Variants in DAB2IP observed in about 807,000 individuals in gnomAD.
The protein encoded by DAB2IP is disabled homolog 2-interacting protein.
In DAB2IP, 28 loss-of-function variants were observed where a neutral mutation model predicts 107.2. That is an observed-to-expected ratio of 0.26 (90% CI 0.19 to 0.36). The LOEUF is 0.36. Ranked by LOEUF, DAB2IP falls within the 10% of genes least tolerant of loss-of-function variation. The probability of loss-of-function intolerance (pLI) is 1.00; values close to 1 mark genes in which losing one functional copy is unlikely to be tolerated. For synonymous variants in DAB2IP, 755 were observed against 706.4 expected (o/e 1.07, Z -1.09); for missense variants, 1,400 against 1,644.7 (o/e 0.85, Z 2.57).
intron 1 of DAB2IP, among the ~76,000 whole-genome samples, chr9:121,661,015 TG>T (rs1456034987): frequency 2.6e-5 from 4 of 151,560 alleles, no homozygotes; most frequent in African/African-American, 4.9e-5. Context: ...TGGGAGCTGG[TG>T]GTGGGATAAG....
Position 121,757,012 on chromosome 9 carries a change from G to C in DAB2IP, c.363-1G>C. The C allele has an allele frequency of 6.2e-7, 1 of 1,613,998 alleles. No homozygotes were observed. Among genetic ancestry groups the C allele is most frequent in the South Asian group, 1.1e-5 (1 of 91,072 alleles). On this transcript the variant is annotated splice_acceptor_variant, in intron 3 of 15. Transcript: ENST00000408936. LOFTEE classifies it high-confidence loss of function. ...ACCTGACACACCTACTGCCACCCCA[G>C]GTCCCATCTGATGCCGAGGCTGAAG...
rs1403264007 is a variant in DAB2IP, at chr9:121,570,740, G to T, written c.40+3512G>T. ...TTTTTGTATTTTTTGTAGAGACAGG[G>T]TTTGCCCACGTTGCCCAGGCTGGTC... On this transcript the variant is annotated intron_variant, in intron 1 of 16. Coordinates refer to the DAB2IP transcript ENST00000259371. Among the ~76,000 whole-genome samples, 4 of 149,494 alleles carry T rather than the reference G, an allele frequency of 2.7e-5. No individual in the cohort carries two copies. The South Asian group carries it at 8.5e-4, about 32-fold the overall frequency.
At chr9:121,665,381 A>G (rs538089208) in intron 1 of DAB2IP, among the ~76,000 whole-genome samples, 21 of 152,338 alleles carry the variant, frequency 1.4e-4, no homozygotes, top group African/African-American at 4.6e-4. Flanking sequence ...AGTGCAGAAC[A>G]TTACTAAGGT....
chr9:121,770,428 TG>T, intron 10 of DAB2IP, 117 bp from the exon 11 acceptor site: 1 of 1,139,060 alleles, frequency 8.8e-7, no homozygotes, highest in Non-Finnish European at 1.2e-6. Flanking sequence ...TGGCAGCAGG[TG>T]GGGATCTGCA....
At chr9:121,646,150 G>C (rs1050995546) in intron 1 of DAB2IP, among the ~76,000 whole-genome samples, 2 of 152,178 alleles carry the variant, frequency 1.3e-5, no homozygotes, top group Non-Finnish European at 2.9e-5. Context: ...GAGGGGCAGA[G>C]CCATCCAAGC....
rs1449693578 is a variant in DAB2IP, at chr9:121,702,608, GGT to G, written c.362+3154_362+3155del. Among the ~76,000 whole-genome samples, 1 of 152,172 alleles carries G rather than the reference GGT, an allele frequency of 6.6e-6. No homozygotes were observed. Among genetic ancestry groups the G allele is most frequent in the Non-Finnish European group, 1.5e-5 (1 of 68,042 alleles). Reference sequence around the variant, plus strand: ...TGCTTGGAGCGCTTTCCAGGTGAAAGGTGTGCCGGCAAAAGCATTTTCATTTT... The same window carrying G: ...TGCTTGGAGCGCTTTCCAGGTGAAAGGTGCCGGCAAAAGCATTTTCATTTT... On this transcript the variant is annotated intron_variant, in intron 3 of 15. Transcript: ENST00000408936. This position sits in a 1 kb window ranked among gnomAD's most constrained non-coding sequence, Gnocchi z 4.5.
At chr9:121,766,783 G>A in intron 9 of DAB2IP, 53 bp downstream of exon 9, 2 of 1,579,004 alleles carry the variant, frequency 1.3e-6, no homozygotes, top group South Asian at 2.2e-5. Context: ...GTGTCCACAG[G>A]GCAGGCCCTG....
intron 3 of DAB2IP, among the ~76,000 whole-genome samples, chr9:121,730,993 A>T (rs964082728): frequency 6.6e-6 from 1 of 152,186 alleles, no homozygotes; most frequent in Non-Finnish European, 1.5e-5. Flanking sequence ...ATATGCTTGG[A>T]CATCGTTCTC....
In DAB2IP at chr9:121,699,764, G is replaced by T. The variant is rs1315067397; in HGVS notation, c.362+306G>T. Among the ~76,000 whole-genome samples, 1 of 152,226 alleles carries T rather than the reference G, an allele frequency of 6.6e-6. No individual in the cohort carries two copies. Among genetic ancestry groups the T allele is most frequent in the Non-Finnish European group, 1.5e-5 (1 of 68,030 alleles). On this transcript the variant is annotated intron_variant, in intron 3 of 15. Coordinates refer to ENST00000408936, the Ensembl canonical transcript of DAB2IP. This position sits in a 1 kb window ranked among gnomAD's most constrained non-coding sequence, Gnocchi z 6.2. ...GTCCTGCCTCGCCTGTCCGAGGTGGGCATTGTTTCCCGGGCCGTGCGGTGC... is the reference window on the plus strand; with the variant it reads ...GTCCTGCCTCGCCTGTCCGAGGTGGTCATTGTTTCCCGGGCCGTGCGGTGC...
At chr9:121,595,823 C>A (rs945569642) in intron 1 of DAB2IP, among the ~76,000 whole-genome samples, 1 of 152,138 alleles carries the variant, frequency 6.6e-6, no homozygotes, top group Non-Finnish European at 1.5e-5. Flanking sequence ...TTTAAAGAAT[C>A]TATATGAAGG....
At chr9:121,687,502 G>A (rs1310382244) in intron 2 of DAB2IP, among the ~76,000 whole-genome samples, 1 of 152,336 alleles carries the variant, frequency 6.6e-6, no homozygotes, top group Admixed American at 6.5e-5. Context: ...ACCTACCACT[G>A]CTTTGAGAGG....
At chr9:121,758,440 T>G (rs1483461242) in intron 4 of DAB2IP, among the ~76,000 whole-genome samples, 2 of 152,202 alleles carry the variant, frequency 1.3e-5, no homozygotes, top group African/African-American at 4.8e-5. Flanking sequence ...CTCAGAGTTG[T>G]CAGCTGAGGA....
chr9:121,625,532 G>A (rs758708491), intron 1 of DAB2IP, among the ~76,000 whole-genome samples: 5 of 152,200 alleles, frequency 3.3e-5, no homozygotes, highest in African/African-American at 1.2e-4. Flanking sequence ...AGAGTGCTGG[G>A]ATTATAGGCG....
At chr9:121,710,833 C>T (rs1352282990) in intron 3 of DAB2IP, among the ~76,000 whole-genome samples, 1 of 152,198 alleles carries the variant, frequency 6.6e-6, no homozygotes, top group African/African-American at 2.4e-5. Context: ...ACAGCAGACT[C>T]ACCAAGGGAG....
chr9:121,742,970 C>A, intron 3 of DAB2IP: 2 of 985,480 alleles, frequency 2.0e-6, no homozygotes, highest in Non-Finnish European at 2.4e-6. Flanking sequence ...GAAGAAGAGA[C>A]ACTGGAGGAT....
chr9:121,651,605 G>T lies in DAB2IP; in HGVS notation c.-171G>T. On this transcript the variant is annotated 5_prime_UTR_variant, in exon 1 of 16. Coordinates refer to ENST00000408936, the Ensembl canonical transcript of DAB2IP. This position sits in a 1 kb window ranked among gnomAD's most constrained non-coding sequence, Gnocchi z 5.1. ...GGGCCGGCTGCTCGGGGAGCGGGAG[G>T]GGGCAGGAGGCGGAGGAGGAGTTTG... 1 of 1,006,256 alleles carries T rather than the reference G, an allele frequency of 9.9e-7. No individual in the cohort carries two copies. The highest frequency in any genetic ancestry group is 4.7e-4 in the Middle Eastern group (1 of 2,144). The allele number at this position is 1,006,256 out of a possible 1,614,324, so 62.3% of individuals were successfully genotyped here.
intron 1 of DAB2IP, among the ~76,000 whole-genome samples, chr9:121,598,059 G>T (rs962323884): frequency 6.6e-6 from 1 of 152,176 alleles, no homozygotes; most frequent in East Asian, 1.9e-4. Context: ...ATCAAGTCGC[G>T]CCAGGTTTCA....
At position 121,699,305 on chromosome 9, in the gene DAB2IP, T is replaced by A; in HGVS notation, c.229-20T>A. The A allele has an allele frequency of 2.6e-6, 3 of 1,139,948 alleles. No homozygotes were observed. Among genetic ancestry groups the A allele is most frequent in the East Asian group, 6.5e-5 (1 of 15,412 alleles). The allele number at this position is 1,139,948 out of a possible 1,614,324, so 70.6% of individuals were successfully genotyped here. On this transcript the variant is annotated intron_variant, in intron 2 of 15. Transcript: ENST00000408936. This position sits in a 1 kb window ranked among gnomAD's most constrained non-coding sequence, Gnocchi z 6.2. ...CGCTAACCCCGCCTCCCCTTCCCCC[T>A]CTTGTCCCCCCGTGCGCAGGGCTTC...
intron 14 of DAB2IP, among the ~76,000 whole-genome samples, chr9:121,780,816 C>G (rs1286002514): frequency 6.6e-6 from 1 of 152,166 alleles, no homozygotes; most frequent in Non-Finnish European, 1.5e-5. Flanking sequence ...GGTGGTATGT[C>G]CCCCAGCTAC....
Sources: gnomAD v4.1 joint callset for allele counts (sites outside exome capture counted in the v4.1 genomes callset) on GRCh38, gnomAD v4.1.1 for gene constraint, Gnocchi (gnomAD v3.1) non-coding constraint, MANE v1.5 for transcripts, NCBI Gene and HGNC (gene_info 2026-07-23, HGNC 2026-07-21) for gene names.